The following RIF1 variants were observed in gnomAD, a reference collection of about 807,000 sequenced individuals.
RIF1 encodes telomere-associated protein RIF1.
In RIF1, 45 loss-of-function variants were observed where a neutral mutation model predicts 247.1. That is an observed-to-expected ratio of 0.18 (90% confidence interval 0.14 to 0.23). RIF1 has a LOEUF of 0.23. Among genes scored for constraint, RIF1 ranks in the 10% least tolerant of loss-of-function variants. The probability of loss-of-function intolerance (pLI) is 1.00; values close to 1 mark genes in which losing one functional copy is unlikely to be tolerated. For missense variants in RIF1, 2,967 were observed against 2,862.5 expected, an observed-to-expected ratio of 1.04 and a Z score of -0.83; for synonymous variants, 1,087 against 978.8, an observed-to-expected ratio of 1.11 and a Z score of -2.06.
intron 13 of RIF1, chr2:151,506,437 T>A (rs1422210066): frequency 3.5e-6 from 2 of 578,608 alleles, no homozygotes; most frequent in Non-Finnish European, 6.1e-6. Context: ...AGACCAGTTA[T>A]ACAACATGGA....
In RIF1 at chr2:151,411,329, A is replaced by C. The variant is rs1259268398; in HGVS notation, c.174A>C (p.Lys58Asn). 1 of 1,582,664 alleles carries C rather than the reference A, an allele frequency of 6.3e-7. No individual in the cohort carries two copies. Among genetic ancestry groups the C allele is most frequent in the African/African-American group, 1.4e-5 (1 of 73,920 alleles). The change falls in exon 3 of 36, where the codon AAA (lysine) becomes AAC (asparagine). Residue 58 changes from lysine (K) to asparagine (N), a missense_variant. Around this residue, in one of 7 missense-constraint regions of RIF1, gnomAD observed 269 missense variants for 288.6 expected, o/e 0.93. Transcript: ENST00000444746. ...AGAAAAAACTTCCTCGGCTGTACAAAGTTTTAAAGGTATGTATCTGTTTGT... is the reference window on the plus strand; with the variant it reads ...AGAAAAAACTTCCTCGGCTGTACAACGTTTTAAAGGTATGTATCTGTTTGT... ...EIEKKLPRLY[K>N]VLKTHISSQN...
In RIF1 at chr2:151,499,213, G is replaced by A. The variant is rs2062588194; in HGVS notation, c.*514-132G>A. ...GACAGGTCAAATTTTTTATTGGGATGAGTTGATTAGATTTTTAAAATCTAG... is the reference window on the plus strand; with the variant it reads ...GACAGGTCAAATTTTTTATTGGGATAAGTTGATTAGATTTTTAAAATCTAG... On this transcript the variant is annotated intron_variant and NMD_transcript_variant, in intron 10 of 13. Coordinates refer to the RIF1 transcript ENST00000454583. The A allele has an allele frequency of 4.4e-6, 3 of 684,482 alleles. No homozygotes were observed. The South Asian group carries it at 6.0e-5, about 14-fold the overall frequency. 42.4% of individuals were successfully genotyped at this position (684,482 alleles called of 1,614,324 possible).
intron 23 of RIF1, among the ~76,000 whole-genome samples, chr2:151,457,209 C>T (rs1250265555): frequency 6.6e-6 from 1 of 152,144 alleles, no homozygotes; most frequent in Non-Finnish European, 1.5e-5. Flanking sequence ...ACACCCCTGC[C>T]CTCCTGGGCT....
In RIF1 at chr2:151,468,082, C is replaced by T; in HGVS notation, c.6683C>T (p.Ser2228Phe). ...DIDRRCSIVR[S>F]HSSNSSPIGK... ...GATAGACGGTGCTCTATTGTTAGGTCCCATTCTTCCAATAGTTCTCCCATA... is the reference window on the plus strand; with the variant it reads ...GATAGACGGTGCTCTATTGTTAGGTTCCATTCTTCCAATAGTTCTCCCATA... Residue 2228 changes from serine to phenylalanine, a missense_variant, in exon 31 of 36, where the codon TCC becomes TTC. Ser to Phe is a radical substitution (Grantham distance 155). Transcript: ENST00000444746. 3 of 1,613,138 alleles carry T rather than the reference C, an allele frequency of 1.9e-6. No individual in the cohort carries two copies. Among genetic ancestry groups the T allele is most frequent in the Non-Finnish European group, 2.5e-6 (3 of 1,179,308 alleles).
chr2:151,523,163 A>G, the RIF1 span, among the ~76,000 whole-genome samples: 1 of 152,226 alleles, frequency 6.6e-6, no homozygotes, highest in African/African-American at 2.4e-5. Context: ...CATTACTCTT[A>G]GAGATTCCAC....
the RIF1 span, chr2:151,531,803 G>T: frequency 6.2e-7 from 1 of 1,610,926 alleles, no homozygotes; most frequent in Non-Finnish European, 8.5e-7. Context: ...TCGCTGATTT[G>T]TTTGTTGACT....
the RIF1 span, among the ~76,000 whole-genome samples, chr2:151,520,438 G>A: frequency 6.6e-6 from 1 of 152,044 alleles, no homozygotes; most frequent in Non-Finnish European, 1.5e-5. Context: ...ATAAAAATAA[G>A]TTTAGGTAGG....
At chr2:151,444,748 C>T (rs1315992355) in intron 18 of RIF1, among the ~76,000 whole-genome samples, 1 of 152,158 alleles carries the variant, frequency 6.6e-6, no homozygotes, top group Non-Finnish European at 1.5e-5. Context: ...TGCTGGAATG[C>T]TGTGTATGTA....
chr2:151,467,517 G>A (rs1262876687), intron 30 of RIF1, among the ~76,000 whole-genome samples: 4 of 151,962 alleles, frequency 2.6e-5, no homozygotes, highest in African/African-American at 9.7e-5. Flanking sequence ...GCTAATTTTT[G>A]TACTTTTAGT....
At chr2:151,447,294 G>C (rs1381720751) in intron 20 of RIF1, among the ~76,000 whole-genome samples, 2 of 152,196 alleles carry the variant, frequency 1.3e-5, no homozygotes, top group Non-Finnish European at 2.9e-5. Context: ...AGATTGATAT[G>C]CGTCATTCCA....
At chr2:151,486,645 C>T (rs148992164), downstream of RIF1, 38 of 152,166 alleles carry the variant, frequency 2.5e-4, no homozygotes, top group African/African-American at 8.9e-4. Context: ...CTGGTATATC[C>T]ATACAGATCT....
chr2:151,412,971 C>G (rs370007963), intron 3 of RIF1, among the ~76,000 whole-genome samples: 5 of 151,700 alleles, frequency 3.3e-5, no homozygotes, highest in Non-Finnish European at 7.4e-5. Context: ...TTATCATATT[C>G]CATATTATAA....
At chr2:151,418,119 G>C (rs1279496696) in intron 6 of RIF1, among the ~76,000 whole-genome samples, 2 of 152,174 alleles carry the variant, frequency 1.3e-5, no homozygotes, top group Admixed American at 1.3e-4. Context: ...GGACATTACT[G>C]TGCACTATTG....
At position 151,464,598 on chromosome 2, in the gene RIF1, G is replaced by A; in HGVS notation, c.5078G>A (p.Ser1693Asn). 1 of 1,613,654 alleles carries A rather than the reference G, an allele frequency of 6.2e-7. No individual in the cohort carries two copies. The highest frequency in any genetic ancestry group is 1.3e-5 in the African/African-American group (1 of 75,026). ...LHKRDSFDNC[S>N]LGESSKIGIS... ...AAGCGAGACTCTTTTGATAATTGTA[G>A]TTTGGGAGAATCCTCAAAAATAGGG... The change falls in exon 30 of 36, where the codon AGT becomes AAT. Residue 1693 changes from serine to asparagine, a missense_variant. By Grantham distance (46) the Ser-to-Asn change is conservative. Around this residue, in one of 7 missense-constraint regions of RIF1, gnomAD observed 2,028 missense variants for 1,825.6 expected, o/e 1.11. Coordinates refer to ENST00000444746, the MANE Select transcript of RIF1 (RefSeq NM_018151.5).
chr2:151,433,057 T>G lies in RIF1; in HGVS notation c.926-20T>G, dbSNP rs746753258. The G allele has an allele frequency of 1.9e-6, 3 of 1,597,434 alleles. No individual in the cohort carries two copies. In the African/African-American group the frequency reaches 4.0e-5, roughly 21 times the overall value. On this transcript the variant is annotated intron_variant, in intron 9 of 35. Coordinates refer to ENST00000444746, the MANE Select transcript of RIF1 (RefSeq NM_018151.5). ...TTTAGCTTGGACGTCTCTTTAACTG[T>G]GTGCTTATTTTCTTTTAAGATATAC...
the RIF1 span, among the ~76,000 whole-genome samples, chr2:151,528,224 C>T: frequency 6.6e-6 from 1 of 152,146 alleles, no homozygotes; most frequent in African/African-American, 2.4e-5. Context: ...CAAATCTGAG[C>T]CACAGAAGTG....
At chr2:151,446,243 C>G (rs1693248049) in intron 19 of RIF1, among the ~76,000 whole-genome samples, 183 bp from the exon 20 acceptor site, 1 of 152,140 alleles carries the variant, frequency 6.6e-6, no homozygotes, top group Non-Finnish European at 1.5e-5. Context: ...AGGTGATCCA[C>G]CAACCTCGGC....
intron 1 of RIF1, 161 bp downstream of exon 1, chr2:151,410,194 C>T (rs1342424430): frequency 3.1e-6 from 2 of 638,606 alleles, no homozygotes; most frequent in East Asian, 2.7e-5. Context: ...GTGGCGGGAG[C>T]GGGCCCAGGC....
chr2:151,502,238 G>A (rs1194283771), intron 11 of RIF1, among the ~76,000 whole-genome samples: 3 of 152,028 alleles, frequency 2.0e-5, no homozygotes, highest in Non-Finnish European at 2.9e-5. Flanking sequence ...GAAGTGAGGC[G>A]AGGGAATAAA....
Sources: gnomAD v4.1 joint callset for allele counts (sites outside exome capture counted in the v4.1 genomes callset) on GRCh38, gnomAD v4.1.1 for gene constraint, gnomAD v4.1.1 regional missense constraint, MANE v1.5 for transcripts, NCBI Gene and HGNC (gene_info 2026-07-23, HGNC 2026-07-21) for gene names.